Variants in EIF4G3 observed in about 807,000 individuals in gnomAD.
The protein encoded by EIF4G3 is eIF-4-gamma 3.
Under a neutral mutation model 186.4 loss-of-function variants are expected in EIF4G3, and 34 were observed. The ratio of observed to expected loss-of-function variants is 0.18; its 90% CI spans 0.14 to 0.24. The LOEUF is 0.24. EIF4G3 is among the 10% of genes least tolerant of loss of function. The pLI is 1.00. For synonymous variants in EIF4G3, 673 were observed against 679.5 expected (o/e 0.99, Z 0.15); for missense variants, 1,536 against 1,948.5 (o/e 0.79, Z 3.99).
At chr1:20,848,257 C>T (rs185577236) in intron 29 of EIF4G3, among the ~76,000 whole-genome samples, 40 of 152,296 alleles carry the variant, frequency 2.6e-4, no homozygotes, top group Admixed American at 5.9e-4. Context: ...TGAGTCACTG[C>T]ACCCGGCCAA....
chr1:21,068,386 A>AAAAAAAAAAAAAAAC (rs1165719691), intron 3 of EIF4G3, among the ~76,000 whole-genome samples: 5 of 149,040 alleles, frequency 3.4e-5, no homozygotes, highest in African/African-American at 7.4e-5. Context: ...AAAAAAAAAA[A>AAAAAAAAAAAAAAAC]AAAAAAAAAA....
intron 4 of EIF4G3, among the ~76,000 whole-genome samples, chr1:21,027,394 G>A (rs2092274623): frequency 6.6e-6 from 1 of 151,786 alleles, no homozygotes; most frequent in Non-Finnish European, 1.5e-5. Context: ...ACTTTGGTAG[G>A]CCAAGGCATG....
At chr1:21,053,037 C>T (rs1278902874) in intron 3 of EIF4G3, among the ~76,000 whole-genome samples, 4 of 151,420 alleles carry the variant, frequency 2.6e-5, no homozygotes, top group Admixed American at 6.6e-5. Flanking sequence ...TCTGCCTGGC[C>T]GCCCATCGTC....
intron 4 of EIF4G3, among the ~76,000 whole-genome samples, chr1:21,018,632 A>AC (rs1557540706): frequency 6.6e-6 from 1 of 151,588 alleles, no homozygotes; most frequent in Non-Finnish European, 1.5e-5. Flanking sequence ...TTGAAATGTG[A>AC]CCCCCAATGT....
chr1:21,171,528 T>C (rs185827935), intron 2 of EIF4G3, among the ~76,000 whole-genome samples: 22 of 152,342 alleles, frequency 1.4e-4, no homozygotes, highest in Non-Finnish European at 3.2e-4. Context: ...GTAGCTTATA[T>C]GAGCAAACTG....
At chr1:21,066,152 G>T (rs1011240702) in intron 3 of EIF4G3, among the ~76,000 whole-genome samples, 4 of 151,670 alleles carry the variant, frequency 2.6e-5, no homozygotes, top group African/African-American at 9.7e-5. Flanking sequence ...TGTCTCAAAA[G>T]AAAATTAATA....
chr1:20,860,931 T>C (rs1006088564), intron 23 of EIF4G3, among the ~76,000 whole-genome samples: 5 of 152,250 alleles, frequency 3.3e-5, no homozygotes, highest in Non-Finnish European at 7.3e-5. Flanking sequence ...GTGGGATTAC[T>C]ACTCAGATCA....
rs1271502467 is a variant in EIF4G3, at chr1:20,810,366, G to A, written c.4744+372C>T. 7.2e-5 allele frequency among the ~76,000 whole-genome samples: 11 copies of A among 152,104 alleles called. No homozygotes were observed. The highest frequency in any genetic ancestry group is 2.7e-4 in the African/African-American group (11 of 41,426). On this transcript the variant is annotated intron_variant, in intron 36 of 36. Transcript: ENST00000602326. The surrounding 1 kb of genome is among the most constrained non-coding windows in gnomAD (Gnocchi z 4.1). The stretch of plus-strand genomic sequence containing the variant: ...AGACAGGGTTTCACTGTGTTAGCCA[G>A]GATGGTCTCGATCTCCTGACCTCAT...
intron 2 of EIF4G3, among the ~76,000 whole-genome samples, chr1:21,158,280 ATCC>A (rs1294163522): frequency 6.6e-6 from 1 of 150,738 alleles, no homozygotes; most frequent in East Asian, 1.9e-4. Flanking sequence ...GACTCAAGCA[ATCC>A]ACCCACCTCA....
In EIF4G3 at chr1:21,162,420, G is replaced by A. The variant is rs1288550972; in HGVS notation, c.-272+13755C>T. On this transcript the variant is annotated intron_variant, in intron 2 of 36. Coordinates refer to ENST00000602326, the MANE Select transcript of EIF4G3 (RefSeq NM_001391906.1). ...ACTGAGATCACACCACAGCACTCCA[G>A]CCTGGGCAACAGAGCAAGACATCAT... 2.0e-5 allele frequency among the ~76,000 whole-genome samples: 3 copies of A among 148,912 alleles called. No homozygotes were observed. The East Asian group carries it at 5.9e-4, about 29-fold the overall frequency.
chr1:20,865,094 G>A (rs758416279), intron 21 of EIF4G3, 22 bp downstream of exon 21: 2 of 1,613,718 alleles, frequency 1.2e-6, no homozygotes, highest in African/African-American at 1.3e-5. Flanking sequence ...TACAAGCACT[G>A]TCTTTCTATG....
At chr1:21,008,928 C>G (rs1164291010) in intron 4 of EIF4G3, among the ~76,000 whole-genome samples, 2 of 151,924 alleles carry the variant, frequency 1.3e-5, no homozygotes, top group Admixed American at 6.6e-5. Context: ...CTCATTATAC[C>G]AAAAGAAATT....
intron 19 of EIF4G3, among the ~76,000 whole-genome samples, chr1:20,881,360 A>G (rs2082265040): frequency 6.6e-6 from 1 of 152,250 alleles, no homozygotes; most frequent in African/African-American, 2.4e-5. Context: ...TAAATGTGAA[A>G]CCTAAAACTA....
At chr1:20,996,453 A>G (rs2082302320) in intron 7 of EIF4G3, among the ~76,000 whole-genome samples, 1 of 152,224 alleles carries the variant, frequency 6.6e-6, no homozygotes, top group African/African-American at 2.4e-5. Context: ...ATCCTCCTGC[A>G]AAGTACCTTT....
intron 3 of EIF4G3, among the ~76,000 whole-genome samples, chr1:21,080,506 T>C (rs1465544639): frequency 6.6e-6 from 1 of 151,992 alleles, no homozygotes; most frequent in African/African-American, 2.4e-5. Context: ...GGAATTTCTT[T>C]CTTCCTTTAT....
chr1:20,833,155 T>C (rs2154548322), intron 30 of EIF4G3, among the ~76,000 whole-genome samples: 4 of 137,020 alleles, frequency 2.9e-5, no homozygotes, highest in African/African-American at 1.1e-4. Context: ...AAGAAAGTCA[T>C]TGGTAGCTTG....
intron 29 of EIF4G3, chr1:20,847,757 A>C (rs1557897090): frequency 2.1e-6 from 1 of 470,984 alleles, no homozygotes; most frequent in African/African-American, 2.0e-5. Flanking sequence ...TTTCCCGTTA[A>C]TGTTCATTTA....
intron 2 of EIF4G3, among the ~76,000 whole-genome samples, chr1:21,128,786 G>C (rs1572979162): frequency 1.3e-5 from 2 of 152,088 alleles, no homozygotes; most frequent in Non-Finnish European, 2.9e-5. Flanking sequence ...AACTTTGAAT[G>C]TTTCTTGCAG....
At chr1:21,133,677 T>C (rs1266236378) in intron 2 of EIF4G3, among the ~76,000 whole-genome samples, 1 of 152,218 alleles carries the variant, frequency 6.6e-6, no homozygotes, top group African/African-American at 2.4e-5. Flanking sequence ...CTAGCTGACA[T>C]ATTCCACTCA....
Sources: allele counts gnomAD v4.1 joint callset (sites outside exome capture counted in the v4.1 genomes callset), GRCh38; gene constraint gnomAD v4.1.1; non-coding constraint Gnocchi (gnomAD v3.1); transcripts MANE v1.5; gene names NCBI Gene and HGNC (gene_info 2026-07-23, HGNC 2026-07-21).